ANP32A: variants seen among roughly 807,000 people sequenced by gnomAD.
The protein encoded by ANP32A is acidic nuclear phosphoprotein 32 family member A.
A neutral mutation model predicts 33.9 loss-of-function variants in ANP32A; 1 was observed. That is an observed-to-expected ratio of 0.03 (90% CI 0.01 to 0.14). The LOEUF (loss-of-function observed/expected upper bound fraction) is 0.14. Ranked by LOEUF, ANP32A falls within the 10% of genes least tolerant of loss-of-function variation. The probability of loss-of-function intolerance (pLI) is 1.00; values close to 1 mark genes in which losing one functional copy is unlikely to be tolerated. For synonymous variants in ANP32A, 115 were observed against 120.5 expected, an observed-to-expected ratio of 0.95 and a Z score of 0.30; for missense variants, 155 against 306.0, an observed-to-expected ratio of 0.51 and a Z score of 3.68.
At chr15:68,800,893 C>G (rs1169081062) in intron 1 of ANP32A, among the ~76,000 whole-genome samples, 1 of 151,944 alleles carries the variant, frequency 6.6e-6, no homozygotes, top group African/African-American at 2.4e-5. Flanking sequence ...GCCTTCCAGA[C>G]AGAAAGAAGG....
chr15:68,800,762 GA>G (rs200683536), intron 1 of ANP32A, among the ~76,000 whole-genome samples: 4 of 90,296 alleles, frequency 4.4e-5, no homozygotes, highest in Admixed American at 1.2e-4. Context: ...AAAAAAGAAA[GA>G]AAAGAAAAGG....
chr15:68,819,724 C>T (rs1041043687), intron 1 of ANP32A, among the ~76,000 whole-genome samples: 2 of 152,214 alleles, frequency 1.3e-5, no homozygotes, highest in Non-Finnish European at 2.9e-5. Context: ...CTTGGGGAAG[C>T]CGGAAGGAGC....
At position 68,818,346 on chromosome 15, in the gene ANP32A, G is replaced by C. The variant is rs185670728; in HGVS notation, c.54+2352C>G. ...GGTGTGTGGGGGGCCCAGGGGCAGC[G>C]CGGCGGGGAGGGGCGCAGGGGGCGC... is the stretch of plus-strand genomic sequence containing the variant. On this transcript the variant is annotated intron_variant, in intron 1 of 6. Transcript: ENST00000465139. 1,121 of 190,464 alleles carry C rather than the reference G, an allele frequency of 5.9e-3. 14 individuals carry two copies. The highest frequency in any genetic ancestry group is 0.025 in the African/African-American group (1,064 of 41,886). 11.8% of individuals were successfully genotyped at this position (190,464 alleles called of 1,614,324 possible).
intron 1 of ANP32A, among the ~76,000 whole-genome samples, chr15:68,809,998 A>AGTTTTCTG (rs1894291065): frequency 6.6e-6 from 1 of 152,212 alleles, no homozygotes; most frequent in Admixed American, 6.5e-5. Flanking sequence ...GTTCTGTAAG[A>AGTTTTCTG]GTTTTCTGGC....
At chr15:68,787,731 C>T in intron 2 of ANP32A, 39 bp downstream of exon 2, 1 of 1,600,484 alleles carries the variant, frequency 6.2e-7, no homozygotes, top group Non-Finnish European at 8.6e-7. Context: ...CCACTCCCCA[C>T]CCCCGCCTCC....
intron 1 of ANP32A, among the ~76,000 whole-genome samples, chr15:68,803,563 G>A (rs1277909118): frequency 2.0e-5 from 3 of 152,060 alleles, no homozygotes; most frequent in Non-Finnish European, 4.4e-5. Context: ...GAGGCACCTG[G>A]GTATGCTTCT....
intron 1 of ANP32A, among the ~76,000 whole-genome samples, chr15:68,808,779 C>T (rs1251624540): frequency 6.6e-6 from 1 of 152,200 alleles, no homozygotes; most frequent in Non-Finnish European, 1.5e-5. Flanking sequence ...CACATGCATA[C>T]ACACGTAGTT....
chr15:68,784,253 TG>T, intron 4 of ANP32A, 143 bp downstream of exon 4: 1 of 867,838 alleles, frequency 1.2e-6, no homozygotes, highest in South Asian at 1.6e-5. Context: ...CTTTGGAAGG[TG>T]GTAGCTACCA....
chr15:68,817,200 G>A (rs1291550793), intron 1 of ANP32A, among the ~76,000 whole-genome samples: 9 of 152,250 alleles, frequency 5.9e-5, no homozygotes, highest in African/African-American at 1.9e-4. Context: ...CCGGAGAAAG[G>A]CGGTTTACTT....
intron 3 of ANP32A, chr15:68,787,187 C>T: frequency 3.5e-6 from 2 of 577,666 alleles, no homozygotes; most frequent in Non-Finnish European, 6.0e-6. Flanking sequence ...GCTACCCGTA[C>T]AATAGCTGCC....
At chr15:68,799,750 A>G (rs1378139485) in intron 1 of ANP32A, among the ~76,000 whole-genome samples, 2 of 152,158 alleles carry the variant, frequency 1.3e-5, no homozygotes, top group Non-Finnish European at 2.9e-5. Context: ...TTAAAGAACA[A>G]ATTTGAGGAA....
chr15:68,803,983 G>A (rs190242545), intron 1 of ANP32A, among the ~76,000 whole-genome samples: 3 of 151,770 alleles, frequency 2.0e-5, no homozygotes, highest in African/African-American at 7.3e-5. Context: ...TGTATTTTTA[G>A]TAGACATGGG....
At chr15:68,807,323 G>GGGAAAGGT (rs1279592014) in intron 1 of ANP32A, among the ~76,000 whole-genome samples, 1 of 148,702 alleles carries the variant, frequency 6.7e-6, no homozygotes, top group Non-Finnish European at 1.5e-5. Flanking sequence ...CAACTGCTAT[G>GGGAAAGGT]GGAAAGGTGA....
In ANP32A at chr15:68,783,029, T is replaced by G; in HGVS notation, c.551A>C (p.Gln184Pro). The stretch of plus-strand genomic sequence containing the variant: ...CTCGTCCTCCTCGTCTTCCACTACC[T>G]GAGCATCTTCATCATACTCCTCCTC... ...EDEEEYDEDA[Q>P]VVEDEEDEDE... The change falls in exon 5 of 7, where the codon CAG becomes CCG. Residue 184 changes from glutamine to proline, a missense_variant. By Grantham distance (76) the Gln-to-Pro change is moderately conservative. Around this residue, in one of 4 missense-constraint regions of ANP32A, gnomAD observed 63 missense variants for 82.8 expected, o/e 0.76. Coordinates refer to ENST00000465139, the MANE Select transcript of ANP32A (RefSeq NM_006305.4). The G allele has an allele frequency of 6.4e-7, 1 of 1,551,822 alleles. No homozygotes were observed. Among genetic ancestry groups the G allele is most frequent in the South Asian group, 1.2e-5 (1 of 84,050 alleles).
intron 1 of ANP32A, among the ~76,000 whole-genome samples, chr15:68,795,063 G>A (rs185542130): frequency 1.1e-4 from 16 of 152,210 alleles, no homozygotes; most frequent in Admixed American, 2.0e-4. Flanking sequence ...TGGGCGATTC[G>A]TTTCCCTGCA....
chr15:68,808,536 G>A (rs377093507), intron 1 of ANP32A, among the ~76,000 whole-genome samples: 3 of 152,134 alleles, frequency 2.0e-5, no homozygotes, highest in South Asian at 4.1e-4. Flanking sequence ...ACAACTCCTT[G>A]TCTCATTCCC....
chr15:68,778,629 C>T lies in ANP32A; in HGVS notation c.*1452G>A, dbSNP rs1893822936. ...ACAAAACAATGAAAGATATTCAAAA[C>T]AAGGTTCCAAGGTTGGCCCAACTTG... On this transcript the variant is annotated 3_prime_UTR_variant, in exon 7 of 7. Coordinates refer to ENST00000465139, the MANE Select transcript of ANP32A (RefSeq NM_006305.4). The T allele has an allele frequency of 6.6e-6, 1 of 152,106 alleles. No individual in the cohort carries two copies. The highest frequency in any genetic ancestry group is 1.5e-5 in the Non-Finnish European group (1 of 68,014). The allele number at this position is 152,106 out of a possible 1,614,324, so 9.4% of individuals were successfully genotyped here.
intron 1 of ANP32A, among the ~76,000 whole-genome samples, chr15:68,802,703 C>T (rs942774303): frequency 3.9e-5 from 6 of 152,126 alleles, no homozygotes; most frequent in African/African-American, 1.2e-4. Flanking sequence ...CCCAGGCTGG[C>T]GGGCAGTGAC....
intron 5 of ANP32A, among the ~76,000 whole-genome samples, chr15:68,782,391 A>T (rs988379877): frequency 6.6e-6 from 1 of 152,200 alleles, no homozygotes; most frequent in African/African-American, 2.4e-5. Flanking sequence ...GGTCAGGTAA[A>T]TTGTCTGGGG....
Sources: gnomAD v4.1 joint callset for allele counts (sites outside exome capture counted in the v4.1 genomes callset) on GRCh38, gnomAD v4.1.1 for gene constraint, gnomAD v4.1.1 regional missense constraint, MANE v1.5 for transcripts, NCBI Gene and HGNC (gene_info 2026-07-23, HGNC 2026-07-21) for gene names.